The following IKBKE variants were observed in gnomAD, a reference collection of about 807,000 sequenced individuals.
IKBKE encodes inhibitor of nuclear factor kappa-B kinase subunit epsilon.
IKBKE carries 45 observed loss-of-function variants against 92.1 expected under a neutral mutation model. That is an observed-to-expected ratio of 0.49 (90% CI 0.38 to 0.63). The LOEUF is 0.63. Among genes scored for constraint, IKBKE ranks in the 20% least tolerant of loss-of-function variants. The pLI is 0.00. For synonymous variants in IKBKE, 374 were observed against 380.3 expected, an observed-to-expected ratio of 0.98 and a Z score of 0.19; for missense variants, 700 against 932.8, an observed-to-expected ratio of 0.75 and a Z score of 3.25.
chr1:206,475,273 C>T, intron 5 of IKBKE: 1 of 481,014 alleles, frequency 2.1e-6, no homozygotes, highest in South Asian at 4.4e-5. Context: ...CCTGCTACAA[C>T]ATGGATGGAC....
chr1:206,473,338 C>T (rs1440343985), intron 3 of IKBKE, 24 bp downstream of exon 3: 2 of 1,564,016 alleles, frequency 1.3e-6, no homozygotes, highest in African/African-American at 2.7e-5. Flanking sequence ...CTGGCCAGGC[C>T]CTGTCCAGCC....
At position 206,487,996 on chromosome 1, in the gene IKBKE, C is replaced by T. The variant is rs2103477591; in HGVS notation, c.1693+6C>T. Reference sequence around the variant, plus strand: ...GAAGTCTAGGATGAGGCCAGGTGAGCCCGGGGAGGGCAGATGCCCCTTCTC... The same window carrying T: ...GAAGTCTAGGATGAGGCCAGGTGAGTCCGGGGAGGGCAGATGCCCCTTCTC... On this transcript the variant is annotated splice_donor_region_variant and intron_variant, in intron 16 of 21. Transcript: ENST00000581977. The surrounding 1 kb of genome is among the most constrained non-coding windows in gnomAD (Gnocchi z 5.3). 6.2e-7 allele frequency: 1 copy of T among 1,607,896 alleles called. No individual in the cohort carries two copies.
rs41296746 is a variant in IKBKE, at chr1:206,478,466, C to A, written c.992+127C>A. On this transcript the variant is annotated intron_variant, in intron 9 of 21. Coordinates refer to ENST00000581977, the MANE Select transcript of IKBKE (RefSeq NM_014002.4). The surrounding 1 kb of genome is among the most constrained non-coding windows in gnomAD (Gnocchi z 4.8). ...ACATAGGAACGCTTCCAGGTCCAAA[C>A]GTAGTTGGGAAAAGACTAGTTCTAC... is the stretch of plus-strand genomic sequence containing the variant. 1.3e-5 allele frequency: 12 copies of A among 959,544 alleles called. No homozygotes were observed. The East Asian group carries it at 2.2e-4, about 17-fold the overall frequency. The allele number at this position is 959,544 out of a possible 1,614,324, so 59.4% of individuals were successfully genotyped here.
chr1:206,474,825 A>G, intron 4 of IKBKE, 40 bp from the exon 5 acceptor site: 1 of 1,601,610 alleles, frequency 6.2e-7, no homozygotes, highest in Non-Finnish European at 8.5e-7. Flanking sequence ...TGGGGAGGAG[A>G]AGTGCCGTCC....
intron 16 of IKBKE, among the ~76,000 whole-genome samples, chr1:206,489,369 GTATATATATA>G (rs368827445): frequency 0.032 from 3,845 of 119,170 alleles, 81 homozygotes; most frequent in Non-Finnish European, 0.045. Context: ...GTGTGTGTGT[GTATATATATA>G]TATATATATA....
In IKBKE at chr1:206,487,368, C is replaced by T. The variant is rs528498255; in HGVS notation, c.1617-546C>T. On this transcript the variant is annotated intron_variant, in intron 15 of 21. Coordinates refer to ENST00000581977, the MANE Select transcript of IKBKE (RefSeq NM_014002.4). The surrounding 1 kb of genome is among the most constrained non-coding windows in gnomAD (Gnocchi z 5.3). ...CAGTTCCTCCGCCTCCGGGCAGGAC[C>T]GAGGCCTGTTGATTCATTCTTGTTT... 2.6e-5 allele frequency among the ~76,000 whole-genome samples: 4 copies of T among 152,166 alleles called. No individual in the cohort carries two copies. The highest frequency in any genetic ancestry group is 1.3e-4 in the Admixed American group (2 of 15,276).
In IKBKE at chr1:206,478,115, G is replaced by A; in HGVS notation, c.813-45G>A. Reference sequence around the variant, plus strand: ...CCTATTGCCTGCTTAAGGAGGATAGGTCTGGGCCCCCACCCCTGACAGTCT... The same window carrying A: ...CCTATTGCCTGCTTAAGGAGGATAGATCTGGGCCCCCACCCCTGACAGTCT... On this transcript the variant is annotated intron_variant, in intron 8 of 21. Coordinates refer to ENST00000581977, the MANE Select transcript of IKBKE (RefSeq NM_014002.4). The surrounding 1 kb of genome is among the most constrained non-coding windows in gnomAD (Gnocchi z 4.8). 4.5e-6 allele frequency: 7 copies of A among 1,569,964 alleles called. No homozygotes were observed. The highest frequency in any genetic ancestry group is 2.2e-5 in the South Asian group (2 of 89,580).
rs2103485119 is a variant in IKBKE, at chr1:206,493,072, G to T, written c.1885G>T (p.Ala629Ser). ...CCTGCGCCTGGTTGGCTGTTCTGTG[G>T]CTGCCTGTAACACAGAAGCCCAGGG... is the stretch of plus-strand genomic sequence containing the variant. ...NHLRLVGCSV[A>S]ACNTEAQGVQ... The change falls in exon 19 of 22, where the codon GCT becomes TCT. Residue 629 changes from alanine to serine, a missense_variant. Coordinates refer to ENST00000581977, the MANE Select transcript of IKBKE (RefSeq NM_014002.4). 1 of 1,590,398 alleles carries T rather than the reference G, an allele frequency of 6.3e-7. No homozygotes were observed.
rs566119493 is a variant in IKBKE, at chr1:206,492,863, G to A, written c.1836-160G>A. 32 of 717,146 alleles carry A rather than the reference G, an allele frequency of 4.5e-5. No homozygotes were observed. In the Middle Eastern group the frequency reaches 1.6e-3, roughly 36 times the overall value. The allele number at this position is 717,146 out of a possible 1,614,324, so 44.4% of individuals were successfully genotyped here. On this transcript the variant is annotated intron_variant, in intron 18 of 21. Coordinates refer to ENST00000581977, the MANE Select transcript of IKBKE (RefSeq NM_014002.4). ...TGCTTCTGCATTATTGCAGTGGGGC[G>A]GGCAAGCGTGGAGGGCACAGCTGGC...
intron 5 of IKBKE, among the ~76,000 whole-genome samples, chr1:206,475,871 C>G (rs566188718): frequency 6.6e-6 from 1 of 151,990 alleles, no homozygotes; most frequent in Non-Finnish European, 1.5e-5. Flanking sequence ...TTTCGTTATG[C>G]ATATTTTACC....
chr1:206,476,853 A>G lies in IKBKE; in HGVS notation c.701+15A>G. The G allele has an allele frequency of 1.2e-6, 2 of 1,613,926 alleles. No homozygotes were observed. Among genetic ancestry groups the G allele is most frequent in the Non-Finnish European group, 1.7e-6 (2 of 1,179,814 alleles). On this transcript the variant is annotated intron_variant, in intron 7 of 21. Coordinates refer to ENST00000581977, the MANE Select transcript of IKBKE (RefSeq NM_014002.4). This position sits in a 1 kb window ranked among gnomAD's most constrained non-coding sequence, Gnocchi z 5.1. Reference sequence around the variant, plus strand: ...AAGGAGATCATGTACGGTGGGCCACAGGGCAGGGAATGGGGCGGACTGGCA... The same window carrying G: ...AAGGAGATCATGTACGGTGGGCCACGGGGCAGGGAATGGGGCGGACTGGCA...
chr1:206,472,679 G>T (rs1168495876), intron 2 of IKBKE, among the ~76,000 whole-genome samples: 4 of 152,158 alleles, frequency 2.6e-5, no homozygotes, highest in Non-Finnish European at 4.4e-5. Context: ...AGCAGGAAGT[G>T]GTGGGCCTGG....
intron 13 of IKBKE, among the ~76,000 whole-genome samples, chr1:206,482,009 G>A (rs1665424111): frequency 1.3e-5 from 2 of 151,992 alleles, no homozygotes; most frequent in African/African-American, 2.4e-5. Context: ...TCGATCTCCT[G>A]ACCTCGTGAT....
At chr1:206,489,815 G>A (rs1233061229) in intron 16 of IKBKE, among the ~76,000 whole-genome samples, 1 of 152,182 alleles carries the variant, frequency 6.6e-6, no homozygotes, top group Non-Finnish European at 1.5e-5. Context: ...TCTAGGTCCA[G>A]CTGCTTTTAA....
intron 20 of IKBKE, among the ~76,000 whole-genome samples, chr1:206,493,718 G>A (rs1220533028): frequency 6.6e-6 from 1 of 152,226 alleles, no homozygotes; most frequent in Non-Finnish European, 1.5e-5. Context: ...GAATCCAGGA[G>A]GCAGAGGTTG....
intron 16 of IKBKE, among the ~76,000 whole-genome samples, chr1:206,488,205 G>A (rs901280765): frequency 1.3e-5 from 2 of 152,232 alleles, no homozygotes; most frequent in Non-Finnish European, 2.9e-5. Context: ...AGGCCAGTGG[G>A]GGACATGAAA....
chr1:206,487,835 T>C lies in IKBKE; in HGVS notation c.1617-79T>C. 1 of 1,171,234 alleles carries C rather than the reference T, an allele frequency of 8.5e-7. No individual in the cohort carries two copies. The highest frequency in any genetic ancestry group is 1.2e-6 in the Non-Finnish European group (1 of 800,160). 72.6% of individuals were successfully genotyped at this position (1,171,234 alleles called of 1,614,324 possible). On this transcript the variant is annotated intron_variant, in intron 15 of 21. Coordinates refer to ENST00000581977, the MANE Select transcript of IKBKE (RefSeq NM_014002.4). The surrounding 1 kb of genome is among the most constrained non-coding windows in gnomAD (Gnocchi z 5.3). ...CTGTGAGGCTCCTCCCCTATTCCAC[T>C]GCCACCCTTCCCCTCCCTCCCTCTT...
At chr1:206,489,721 A>G (rs1396630466) in intron 16 of IKBKE, among the ~76,000 whole-genome samples, 1 of 152,008 alleles carries the variant, frequency 6.6e-6, no homozygotes, top group Non-Finnish European at 1.5e-5. Context: ...AACAACAACA[A>G]TAACAAAACC....
chr1:206,492,360 G>A (rs1553390627), intron 18 of IKBKE: 1 of 437,452 alleles, frequency 2.3e-6, no homozygotes, highest in South Asian at 1.7e-5. Context: ...TTTCCCACGT[G>A]CTACCACATT....
Sources: allele counts gnomAD v4.1 joint callset (sites outside exome capture counted in the v4.1 genomes callset), GRCh38; gene constraint gnomAD v4.1.1; non-coding constraint Gnocchi (gnomAD v3.1); transcripts MANE v1.5; gene names NCBI Gene and HGNC (gene_info 2026-07-23, HGNC 2026-07-21).